Variants in DCAF16 observed in about 807,000 individuals in gnomAD.
The protein encoded by DCAF16 is DDB1- and CUL4-associated factor 16.
In DCAF16, 10 loss-of-function variants were observed where a neutral mutation model predicts 17.3. That is an observed-to-expected ratio of 0.58 (90% CI 0.36 to 0.98). The LOEUF (loss-of-function observed/expected upper bound fraction) is 0.98, where lower values mean the gene tolerates loss of function less well. Ranked by LOEUF, DCAF16 falls within the 50% of genes least tolerant of loss-of-function variation. The probability of loss-of-function intolerance (pLI) is 0.01; values close to 1 mark genes in which losing one functional copy is unlikely to be tolerated. For synonymous variants in DCAF16, 111 were observed against 92.8 expected (o/e 1.20, Z -1.12); for missense variants, 249 against 247.6 (o/e 1.01, Z -0.04).
downstream of DCAF16, among the ~76,000 whole-genome samples, chr4:17,796,437 G>A (rs571200148): frequency 2.9e-4 from 44 of 152,294 alleles, no homozygotes; most frequent in African/African-American, 1.0e-3. Flanking sequence ...ATGGCCAGGT[G>A]CGGTGGCTCA....
downstream of DCAF16, among the ~76,000 whole-genome samples, chr4:17,799,279 A>AT (rs1401188248): frequency 6.6e-6 from 1 of 152,066 alleles, no homozygotes; most frequent in Non-Finnish European, 1.5e-5. Flanking sequence ...ACTATAAGCT[A>AT]TTTTCAATAT....
chr4:17,803,349 G>C lies in DCAF16; in HGVS notation c.*142C>G, dbSNP rs750280076. The C allele has an allele frequency of 6.0e-5, 46 of 768,080 alleles. No individual in the cohort carries two copies. The highest frequency in any genetic ancestry group is 9.8e-5 in the Admixed American group (4 of 40,976). The allele number at this position is 768,080 out of a possible 1,614,324, so 47.6% of individuals were successfully genotyped here. ...CTTGATATTATCATTTTATCCACAG[G>C]GTTTGTCAAAGGGTATCCTCATTGG... On this transcript the variant is annotated 3_prime_UTR_variant, in exon 3 of 3. Transcript: ENST00000382247.
intron 1 of DCAF16, among the ~76,000 whole-genome samples, chr4:17,810,054 A>G (rs930877331): frequency 3.9e-5 from 6 of 152,178 alleles, no homozygotes; most frequent in South Asian, 4.1e-4. Context: ...TCAGAATACC[A>G]GCTCAAAATA....
At chr4:17,796,989 C>T (rs1329925360), downstream of DCAF16, among the ~76,000 whole-genome samples, 2 of 152,084 alleles carry the variant, frequency 1.3e-5, no homozygotes, top group South Asian at 2.1e-4. Context: ...TAGAGATGGG[C>T]GGTTGCTCTG....
the DCAF16 span, among the ~76,000 whole-genome samples, chr4:17,794,863 A>G: frequency 6.6e-6 from 1 of 152,194 alleles, no homozygotes; most frequent in South Asian, 2.1e-4. Context: ...TACACTTTCC[A>G]TTGTACTCAA....
intron 1 of DCAF16, among the ~76,000 whole-genome samples, 182 bp downstream of exon 1, chr4:17,810,265 C>T (rs980067024): frequency 6.6e-6 from 1 of 152,186 alleles, no homozygotes; most frequent in African/African-American, 2.4e-5. Context: ...ATACACTGTC[C>T]TTATGCACAC....
Position 17,804,028 on chromosome 4 carries a change from T to G in DCAF16, c.114A>C (p.Glu38Asp). Residue 38 changes from glutamate (E) to aspartate (D), a missense_variant, in exon 3 of 3, where the codon GAA (glutamate) becomes GAC (aspartate). Physicochemically the swap from Glu to Asp is conservative, Grantham distance 45. Coordinates refer to ENST00000382247, the MANE Select transcript of DCAF16 (RefSeq NM_017741.4). ...SSGEEWDSSE[E>D]EDSMVPNLSP... ...ATAAGTTGGGCACCATAGAGTCCTC[T>G]TCTTCAGAGGAATCCCACTCTTCCC... 1 of 1,614,212 alleles carries G rather than the reference T, an allele frequency of 6.2e-7. No individual in the cohort carries two copies. Among genetic ancestry groups the G allele is most frequent in the South Asian group, 1.1e-5 (1 of 91,090 alleles).
Position 17,800,935 on chromosome 4 carries a change from T to C in DCAF16, c.*2556A>G, listed in dbSNP as rs1719713027. 6.6e-6 allele frequency: 1 copy of C among 152,544 alleles called. No homozygotes were observed. The highest frequency in any genetic ancestry group is 2.4e-5 in the African/African-American group (1 of 41,450). 9.4% of individuals were successfully genotyped at this position (152,544 alleles called of 1,614,324 possible). ...TCACAGAATACCTACATAGGAACAA[T>C]TTCTGATACATTCAGTTACACTAAC... On this transcript the variant is annotated 3_prime_UTR_variant, in exon 3 of 3. Coordinates refer to ENST00000382247, the MANE Select transcript of DCAF16 (RefSeq NM_017741.4).
downstream of DCAF16, among the ~76,000 whole-genome samples, chr4:17,797,665 G>A (rs539930923): frequency 7.0e-4 from 107 of 152,216 alleles, no homozygotes; most frequent in Admixed American, 1.2e-3. Context: ...TTTCACCAGA[G>A]CTCTGCCAGT....
chr4:17,808,320 G>A (rs1420403279), intron 1 of DCAF16, among the ~76,000 whole-genome samples: 1 of 152,170 alleles, frequency 6.6e-6, no homozygotes, highest in Non-Finnish European at 1.5e-5. Context: ...TAATTGTGCT[G>A]TCCTCTAATA....
chr4:17,809,148 G>A (rs747286468), intron 1 of DCAF16, among the ~76,000 whole-genome samples: 1 of 152,206 alleles, frequency 6.6e-6, no homozygotes, highest in Non-Finnish European at 1.5e-5. Context: ...AATTAAGCAG[G>A]AGAATGGATA....
At chr4:17,794,323 G>A in the DCAF16 span, among the ~76,000 whole-genome samples, 2 of 152,102 alleles carry the variant, frequency 1.3e-5, no homozygotes, top group Non-Finnish European at 2.9e-5. Flanking sequence ...TAGCTTGAAG[G>A]TAATTTTATA....
chr4:17,804,093 C>T lies in DCAF16; in HGVS notation c.49G>A (p.Glu17Lys), dbSNP rs1284737756. 6.2e-7 allele frequency: 1 copy of T among 1,614,030 alleles called. No homozygotes were observed. Among genetic ancestry groups the T allele is most frequent in the Non-Finnish European group, 8.5e-7 (1 of 1,180,026 alleles). Residue 17 changes from glutamate (E) to lysine (K), a missense_variant, in exon 3 of 3, where the codon GAG (glutamate) becomes AAG (lysine). Glu to Lys is a moderately conservative substitution (Grantham distance 56). Coordinates refer to ENST00000382247, the MANE Select transcript of DCAF16 (RefSeq NM_017741.4). Reference protein sequence around the residue: ...SPDHLSESESEEEENISYLNE... With the variant: ...SPDHLSESESKEEENISYLNE... ...AGGTAACTAATATTTTCTTCTTCCT[C>T]ACTTTCTGATTCTGACAAGTGGTCA...
At chr4:17,794,823 A>G in the DCAF16 span, among the ~76,000 whole-genome samples, 2 of 152,190 alleles carry the variant, frequency 1.3e-5, no homozygotes, top group Non-Finnish European at 2.9e-5. Context: ...ACTTTCTAAG[A>G]AATAAAATTT....
chr4:17,810,294 C>G (rs1267292222), intron 1 of DCAF16, among the ~76,000 whole-genome samples, 153 bp downstream of exon 1: 1 of 152,234 alleles, frequency 6.6e-6, no homozygotes, highest in East Asian at 1.9e-4. Flanking sequence ...AGGGCCTACA[C>G]AGCTGCACAT....
At chr4:17,809,417 C>G (rs1720647072) in intron 1 of DCAF16, 2 of 152,082 alleles carry the variant, frequency 1.3e-5, no homozygotes, top group South Asian at 4.1e-4. Flanking sequence ...TTAAAACATG[C>G]AAAATAGTAC....
chr4:17,800,161 A>G (rs990182716), downstream of DCAF16, among the ~76,000 whole-genome samples: 40 of 151,926 alleles, frequency 2.6e-4, no homozygotes, highest in Non-Finnish European at 7.4e-5. Flanking sequence ...AAAAAAAAAA[A>G]AAAAGTTGCC....
At position 17,803,468 on chromosome 4, in the gene DCAF16, A is replaced by C; in HGVS notation, c.*23T>G. 8 of 1,599,432 alleles carry C rather than the reference A, an allele frequency of 5.0e-6. No homozygotes were observed. The highest frequency in any genetic ancestry group is 6.8e-6 in the Non-Finnish European group (8 of 1,169,456). On this transcript the variant is annotated 3_prime_UTR_variant, in exon 3 of 3. Transcript: ENST00000382247. ...ACTTTCTCAATTAGCAACATCAGAG[A>C]TATCAGAGCAAATGGTAGATCTTTA...
downstream of DCAF16, among the ~76,000 whole-genome samples, chr4:17,797,325 A>G (rs1719474394): frequency 6.6e-6 from 1 of 152,208 alleles, no homozygotes; most frequent in Admixed American, 6.6e-5. Flanking sequence ...TATATGTGCC[A>G]TATTTCATTA....
Sources: allele counts gnomAD v4.1 joint callset (sites outside exome capture counted in the v4.1 genomes callset), GRCh38; gene constraint gnomAD v4.1.1; transcripts MANE v1.5; gene names NCBI Gene and HGNC (gene_info 2026-07-23, HGNC 2026-07-21).